DNM3: variants seen among roughly 807,000 people sequenced by gnomAD.
DNM3 encodes the protein dynamin-3.
Under a neutral mutation model 101.6 loss-of-function variants are expected in DNM3, and 47 were observed. That is an observed-to-expected ratio of 0.46 (90% CI 0.37 to 0.59). The LOEUF (loss-of-function observed/expected upper bound fraction) is 0.59, where lower values mean the gene tolerates loss of function less well. Ranked by LOEUF, DNM3 falls within the 20% of genes least tolerant of loss-of-function variation. DNM3 has a pLI of 0.00. For missense variants in DNM3, 849 were observed against 1,085.7 expected, an observed-to-expected ratio of 0.78 and a Z score of 3.06; for synonymous variants, 385 against 387.9, an observed-to-expected ratio of 0.99 and a Z score of 0.09.
At chr1:172,360,191 C>A (rs1339107306) in intron 17 of DNM3, among the ~76,000 whole-genome samples, 1 of 151,976 alleles carries the variant, frequency 6.6e-6, no homozygotes, top group African/African-American at 2.4e-5. Context: ...ATTTAGCTAT[C>A]TTTATAATCC....
chr1:172,391,092 C>G (rs2069501640), intron 20 of DNM3, among the ~76,000 whole-genome samples: 1 of 152,200 alleles, frequency 6.6e-6, no homozygotes. Flanking sequence ...ATGGCCGGCA[C>G]ATGGGCAGCA....
At chr1:172,169,960 T>C (rs1323945204) in intron 14 of DNM3, among the ~76,000 whole-genome samples, 5 of 151,904 alleles carry the variant, frequency 3.3e-5, no homozygotes, top group Non-Finnish European at 7.4e-5. Context: ...GGTTTTACAG[T>C]GTGCAAAGAA....
intron 18 of DNM3, chr1:172,380,604 C>T (rs114994216): frequency 6.6e-6 from 1 of 152,016 alleles, no homozygotes; most frequent in African/African-American, 2.4e-5. Context: ...CATTTCGCCC[C>T]TTTGAGTTGA....
intron 1 of DNM3, among the ~76,000 whole-genome samples, chr1:171,870,921 G>A (rs183452305): frequency 9.2e-5 from 14 of 152,186 alleles, no homozygotes; most frequent in African/African-American, 3.4e-4. Flanking sequence ...CAGAGAAAAA[G>A]GTGGAAGATG....
intron 4 of DNM3, among the ~76,000 whole-genome samples, chr1:172,009,535 G>A (rs2046975675): frequency 6.6e-6 from 1 of 151,406 alleles, no homozygotes; most frequent in Non-Finnish European, 1.5e-5. Context: ...CTTAATAATT[G>A]GTTCCTCATT....
At chr1:172,347,236 CA>C (rs1285442569) in intron 17 of DNM3, among the ~76,000 whole-genome samples, 2 of 151,840 alleles carry the variant, frequency 1.3e-5, no homozygotes, top group African/African-American at 4.8e-5. Context: ...TGTAAAAATG[CA>C]AATTCGACCC....
intron 14 of DNM3, among the ~76,000 whole-genome samples, chr1:172,135,509 TTTTG>T (rs1022849939): frequency 1.4e-4 from 21 of 152,158 alleles, no homozygotes; most frequent in Non-Finnish European, 2.1e-4. Context: ...TGTTTTTGTT[TTTTG>T]TTTGTTTGTT....
intron 14 of DNM3, among the ~76,000 whole-genome samples, chr1:172,224,389 C>T (rs2061023845): frequency 6.6e-6 from 1 of 152,114 alleles, no homozygotes; most frequent in African/African-American, 2.4e-5. Flanking sequence ...ATGGAAACCA[C>T]CCCACATATG....
At chr1:172,136,348 T>C (rs931411144) in intron 14 of DNM3, among the ~76,000 whole-genome samples, 2 of 152,198 alleles carry the variant, frequency 1.3e-5, no homozygotes, top group Admixed American at 6.5e-5. Context: ...ATAGAAATAT[T>C]CAGCTCTCTT....
At position 172,158,218 on chromosome 1, in the gene DNM3, C is replaced by G. The variant is rs929974419; in HGVS notation, c.1659+26930C>G. 2.0e-5 allele frequency among the ~76,000 whole-genome samples: 3 copies of G among 151,850 alleles called. No homozygotes were observed. The East Asian group carries it at 5.8e-4, about 29-fold the overall frequency. ...CAAAGACCCTGAGGCAAGAGTGTGC[C>G]TGGAGGCCAGAGGAGCTAGAATAAG... On this transcript the variant is annotated intron_variant, in intron 14 of 20. Transcript: ENST00000627582.
At chr1:172,042,626 A>G (rs1415386926) in intron 8 of DNM3, among the ~76,000 whole-genome samples, 1 of 152,206 alleles carries the variant, frequency 6.6e-6, no homozygotes, top group Admixed American at 6.6e-5. Flanking sequence ...AACTGTGCCC[A>G]GAATGGCATG....
At chr1:172,372,427 T>C (rs2068386352) in intron 17 of DNM3, among the ~76,000 whole-genome samples, 1 of 151,966 alleles carries the variant, frequency 6.6e-6, no homozygotes, top group Non-Finnish European at 1.5e-5. Flanking sequence ...TTTTAATTCA[T>C]CTTTTATCTT....
intron 1 of DNM3, among the ~76,000 whole-genome samples, chr1:171,883,567 G>A (rs1452206774): frequency 6.6e-6 from 1 of 151,854 alleles, no homozygotes; most frequent in Non-Finnish European, 1.5e-5. Context: ...CGCCTCCCGG[G>A]TTCAAGTGAT....
At chr1:171,898,656 T>C (rs1466148510) in intron 1 of DNM3, among the ~76,000 whole-genome samples, 1 of 150,894 alleles carries the variant, frequency 6.6e-6, no homozygotes, top group African/African-American at 2.4e-5. Flanking sequence ...TATATTGTAT[T>C]ATACTGTTAT....
rs139074861 is a variant in DNM3, at chr1:172,068,456, T to C, written c.1336-363T>C. Among the ~76,000 whole-genome samples, 881 of 152,342 alleles carry C rather than the reference T, an allele frequency of 5.8e-3. 9 individuals carry two copies. Among genetic ancestry groups the C allele is most frequent in the African/African-American group, 0.02 (822 of 41,576 alleles). ...AGCGCCTGACACGTGGTAGACACTA[T>C]ATAAAATGTTAGTCATTATCCTTTT... On this transcript the variant is annotated intron_variant, in intron 10 of 20. Transcript: ENST00000627582.
intron 13 of DNM3, among the ~76,000 whole-genome samples, chr1:172,099,098 A>G (rs1025963670): frequency 1.3e-5 from 2 of 152,224 alleles, no homozygotes; most frequent in African/African-American, 4.8e-5. Context: ...TGGAAGGTCA[A>G]GAGAGAAGAT....
chr1:171,921,003 C>A (rs2040116722), intron 1 of DNM3, among the ~76,000 whole-genome samples: 1 of 152,154 alleles, frequency 6.6e-6, no homozygotes, highest in Non-Finnish European at 1.5e-5. Context: ...TGGCTCACTG[C>A]AACTCTGCCT....
intron 20 of DNM3, among the ~76,000 whole-genome samples, chr1:172,394,590 T>G (rs986160993): frequency 6.6e-6 from 1 of 152,074 alleles, no homozygotes; most frequent in Non-Finnish European, 1.5e-5. Flanking sequence ...TAATAGCAAA[T>G]AGCTCTGTCA....
intron 14 of DNM3, among the ~76,000 whole-genome samples, chr1:172,207,097 C>G (rs950809998): frequency 9.0e-6 from 1 of 110,622 alleles, no homozygotes; most frequent in Non-Finnish European, 1.8e-5. Flanking sequence ...GTTATTCTCC[C>G]CCAAGTCTAA....
Sources: gnomAD v4.1 joint callset for allele counts (sites outside exome capture counted in the v4.1 genomes callset) on GRCh38, gnomAD v4.1.1 for gene constraint, MANE v1.5 for transcripts, NCBI Gene and HGNC (gene_info 2026-07-23, HGNC 2026-07-21) for gene names.